The following MRPS9 variants were observed in gnomAD, a reference collection of about 807,000 sequenced individuals.
MRPS9 encodes mitochondrial ribosomal protein S9.
Under a neutral mutation model 59.9 loss-of-function variants are expected in MRPS9, and 45 were observed. The observed-to-expected ratio is 0.75, with a 90% CI of 0.59 to 0.96. MRPS9 has a LOEUF of 0.96. Among genes scored for constraint, MRPS9 ranks in the 40% least tolerant of loss-of-function variants. The pLI, the probability that MRPS9 is intolerant of heterozygous loss-of-function variation, is 0.00. For synonymous variants in MRPS9, 171 were observed against 166.8 expected (o/e 1.03, Z -0.19); for missense variants, 473 against 481.1 (o/e 0.98, Z 0.16).
chr2:105,079,723 G>C (rs970671183), intron 4 of MRPS9, among the ~76,000 whole-genome samples: 12 of 152,012 alleles, frequency 7.9e-5, no homozygotes, highest in Non-Finnish European at 1.0e-4. Context: ...AAACAATACA[G>C]AAATTCTCAT....
intron 8 of MRPS9, among the ~76,000 whole-genome samples, chr2:105,093,214 T>C (rs753123323): frequency 8.5e-5 from 13 of 152,194 alleles, no homozygotes; most frequent in Non-Finnish European, 1.5e-4. Flanking sequence ...AGAAGAATGC[T>C]ATGTAAATTG....
intron 5 of MRPS9, among the ~76,000 whole-genome samples, chr2:105,081,477 A>G (rs1179908874): frequency 6.6e-6 from 1 of 152,200 alleles, no homozygotes; most frequent in African/African-American, 2.4e-5. Context: ...TAAAGCATGC[A>G]GGTCTTGTAG....
chr2:105,081,706 TCTGA>T (rs1451872344), intron 5 of MRPS9, among the ~76,000 whole-genome samples: 2 of 152,242 alleles, frequency 1.3e-5, no homozygotes, highest in African/African-American at 2.4e-5. Context: ...TACCATACTC[TCTGA>T]CTAAAATGTC....
At chr2:105,071,246 T>C (rs2104454513) in intron 2 of MRPS9, 67 bp from the exon 3 acceptor site, 1 of 1,315,160 alleles carries the variant, frequency 7.6e-7, no homozygotes, top group Middle Eastern at 2.6e-4. Context: ...TAGAAAGCAC[T>C]CTATAACTAT....
At chr2:105,070,109 C>T (rs1276524249) in intron 2 of MRPS9, among the ~76,000 whole-genome samples, 1 of 152,006 alleles carries the variant, frequency 6.6e-6, no homozygotes, top group Non-Finnish European at 1.5e-5. Context: ...TAAAGGGGCA[C>T]ACTGATGTTT....
At chr2:105,088,322 A>G (rs1467284047) in intron 5 of MRPS9, among the ~76,000 whole-genome samples, 1 of 152,174 alleles carries the variant, frequency 6.6e-6, no homozygotes, top group Non-Finnish European at 1.5e-5. Context: ...AATATATTTC[A>G]TTGATGATCC....
rs147103503 is a variant in MRPS9, at chr2:105,043,715, A to G, written c.136-5456A>G. Among the ~76,000 whole-genome samples, 761 of 151,726 alleles carry G rather than the reference A, an allele frequency of 5.0e-3. 6 individuals are homozygous for G. The highest frequency in any genetic ancestry group is 0.017 in the African/African-American group (706 of 41,310). ...AGTGGTGCAATCTCGGCTCACTGCA[A>G]CCTCCGCCTCCTGGGTTCAAGCAGT... On this transcript the variant is annotated intron_variant, in intron 1 of 10. Coordinates refer to ENST00000258455, the MANE Select transcript of MRPS9 (RefSeq NM_182640.3).
Position 105,079,989 on chromosome 2 carries a change from A to G in MRPS9, c.416A>G (p.Gln139Arg). Residue 139 changes from glutamine (Q) to arginine (R), a missense_variant, in exon 5 of 11, where the codon CAG becomes CGG. Gln to Arg is a conservative substitution (Grantham distance 43). Transcript: ENST00000258455. ...EQIFPRQRAIQWGEDGRPFHY... is the reference protein window; with the variant it reads ...EQIFPRQRAIRWGEDGRPFHY... ...TCTGGCTTTTTTAAATCAGCAATCC[A>G]GTGGGGAGAAGATGGCCGTCCATTT... 6.2e-7 allele frequency: 1 copy of G among 1,611,032 alleles called. No homozygotes were observed. Among genetic ancestry groups the G allele is most frequent in the Non-Finnish European group, 8.5e-7 (1 of 1,178,514 alleles).
At chr2:105,077,394 C>G (rs932616597) in intron 4 of MRPS9, among the ~76,000 whole-genome samples, 1 of 152,108 alleles carries the variant, frequency 6.6e-6, no homozygotes, top group African/African-American at 2.4e-5. Context: ...GCTAAATAAA[C>G]TCATGCTGTG....
At chr2:105,065,803 G>A (rs1248786512) in intron 2 of MRPS9, among the ~76,000 whole-genome samples, 3 of 152,142 alleles carry the variant, frequency 2.0e-5, no homozygotes, top group African/African-American at 7.2e-5. Context: ...CTTGTTATAT[G>A]TATTTGTTGT....
chr2:105,067,534 G>T lies in MRPS9; in HGVS notation c.316-3779G>T, dbSNP rs1332541939. Reference sequence around the variant, plus strand: ...TTTTCCCTTTGTAACCAGTCTATAGGGTAATATTCTGAGTTCATGCGAATT... The same window carrying T: ...TTTTCCCTTTGTAACCAGTCTATAGTGTAATATTCTGAGTTCATGCGAATT... On this transcript the variant is annotated intron_variant, in intron 2 of 10. Transcript: ENST00000258455. Among the ~76,000 whole-genome samples, 6 of 151,950 alleles carry T rather than the reference G, an allele frequency of 3.9e-5. No individual in the cohort carries two copies. The East Asian group carries it at 1.2e-3, about 29-fold the overall frequency.
chr2:105,038,101 G>C lies in MRPS9; in HGVS notation c.9G>C (p.Ala3=), dbSNP rs751142998. The C allele has an allele frequency of 1.2e-6, 2 of 1,613,770 alleles. No homozygotes were observed. Among genetic ancestry groups the C allele is most frequent in the Non-Finnish European group, 1.7e-6 (2 of 1,179,964 alleles). The change falls in exon 1 of 11, where the codon GCG becomes GCC. Residue 3 remains alanine, a synonymous_variant. Coordinates refer to ENST00000258455, the MANE Select transcript of MRPS9 (RefSeq NM_182640.3). ...GAGCTCCCACAGCTAACATGGCGGC[G>C]CCCTGTGTGTCCTACGGCGGAGCAG... The part of the protein sequence containing the change: MA[A]PCVSYGGAVS...
intron 2 of MRPS9, among the ~76,000 whole-genome samples, chr2:105,057,243 AATTAGT>A (rs552956745): frequency 7.4e-4 from 113 of 152,254 alleles, no homozygotes; most frequent in African/African-American, 2.3e-3. Context: ...CCTCTAACAA[AATTAGT>A]AGTGTATATG....
chr2:105,050,143 TC>T (rs1396685311), intron 2 of MRPS9, among the ~76,000 whole-genome samples: 4 of 142,558 alleles, frequency 2.8e-5, no homozygotes, highest in Non-Finnish European at 6.3e-5. Flanking sequence ...TCTTTTCTTT[TC>T]TTTTCTTTTT....
At chr2:105,062,892 T>C (rs1299438680) in intron 2 of MRPS9, among the ~76,000 whole-genome samples, 1 of 152,228 alleles carries the variant, frequency 6.6e-6, no homozygotes, top group African/African-American at 2.4e-5. Flanking sequence ...GCGCCCTTCA[T>C]TTCTTCCCAA....
At chr2:105,058,574 A>G (rs1487211603) in intron 2 of MRPS9, among the ~76,000 whole-genome samples, 1 of 152,196 alleles carries the variant, frequency 6.6e-6, no homozygotes, top group Admixed American at 6.5e-5. Context: ...TATTTGGATT[A>G]AATTTTTAAA....
intron 4 of MRPS9, among the ~76,000 whole-genome samples, chr2:105,075,269 A>G (rs922245084): frequency 2.0e-5 from 3 of 152,034 alleles, no homozygotes; most frequent in African/African-American, 7.2e-5. Flanking sequence ...GGGGCTGGGG[A>G]CCCCTACTGT....
chr2:105,071,467 A>G lies in MRPS9; in HGVS notation c.387A>G (p.Glu129=). The change falls in exon 4 of 11, where the codon GAA becomes GAG. Residue 129 remains glutamate, a synonymous_variant. Transcript: ENST00000258455. ...KRARPVMKHP[E]QIFPRQRAIQ... ...ATTAATTTATTTTACAGCATCCTGAACAGATTTTTCCAAGACAAAGAGGTA... is the reference window on the plus strand; with the variant it reads ...ATTAATTTATTTTACAGCATCCTGAGCAGATTTTTCCAAGACAAAGAGGTA... 1 of 1,605,180 alleles carries G rather than the reference A, an allele frequency of 6.2e-7. No individual in the cohort carries two copies. The highest frequency in any genetic ancestry group is 2.2e-5 in the East Asian group (1 of 44,694).
At chr2:105,070,234 T>C (rs1400098281) in intron 2 of MRPS9, among the ~76,000 whole-genome samples, 1 of 152,260 alleles carries the variant, frequency 6.6e-6, no homozygotes, top group East Asian at 1.9e-4. Context: ...CCTCCCACAG[T>C]ACTGGGATTA....
Sources: gnomAD v4.1 joint callset for allele counts (sites outside exome capture counted in the v4.1 genomes callset) on GRCh38, gnomAD v4.1.1 for gene constraint, MANE v1.5 for transcripts, NCBI Gene and HGNC (gene_info 2026-07-23, HGNC 2026-07-21) for gene names.